RBFOX1: variants seen among roughly 807,000 people sequenced by gnomAD.
RBFOX1 encodes the protein RNA binding protein fox-1 homolog 1.
In RBFOX1, 8 loss-of-function variants were observed where a neutral mutation model predicts 57.7. The ratio of observed to expected loss-of-function variants is 0.14; its 90% CI spans 0.08 to 0.25. The LOEUF is 0.25. RBFOX1 is among the 10% of genes least tolerant of loss of function. The pLI is 1.00. For missense variants in RBFOX1, 611 were observed against 548.5 expected, an observed-to-expected ratio of 1.11 and a Z score of -1.14; for synonymous variants, 326 against 222.4, an observed-to-expected ratio of 1.47 and a Z score of -4.15.
intron 4 of RBFOX1, among the ~76,000 whole-genome samples, chr16:7,191,347 A>G (rs2085336848): frequency 6.6e-6 from 1 of 152,112 alleles, no homozygotes; most frequent in Non-Finnish European, 1.5e-5. Flanking sequence ...AAGAAAAAAA[A>G]AAAAACAGCA....
rs144156358 is a variant in RBFOX1, at chr16:7,660,950, C to G, written c.891-3979C>G. Among the ~76,000 whole-genome samples the G allele has an allele frequency of 1.2e-3, 179 of 152,254 alleles. 4 individuals carry two copies. The East Asian group carries it at 0.032, about 28-fold the overall frequency. On this transcript the variant is annotated intron_variant, in intron 12 of 15. Transcript: ENST00000550418. ...CAACTCTCTTTCAGTTTCTACATGT[C>G]TAAAGAGGCAATGATCATATTGTCC...
chr16:7,230,214 C>G (rs2093419948), intron 4 of RBFOX1, among the ~76,000 whole-genome samples: 1 of 151,788 alleles, frequency 6.6e-6, no homozygotes, highest in African/African-American at 2.4e-5. Flanking sequence ...ATGTCAGTCA[C>G]TGTGGAAGAC....
chr16:5,479,371 T>C (rs1308759631), intron 2 of RBFOX1, among the ~76,000 whole-genome samples: 1 of 152,174 alleles, frequency 6.6e-6, no homozygotes, highest in Non-Finnish European at 1.5e-5. Context: ...TAGGAGAGAT[T>C]AGAGATGGGG....
chr16:5,511,580 C>G (rs2043594724), intron 2 of RBFOX1, among the ~76,000 whole-genome samples: 1 of 152,140 alleles, frequency 6.6e-6, no homozygotes, highest in African/African-American at 2.4e-5. Flanking sequence ...CCACTCAGCT[C>G]TGTGCCTCTT....
At chr16:7,318,607 C>T (rs73561857) in intron 4 of RBFOX1, among the ~76,000 whole-genome samples, 4,590 of 152,222 alleles carry the variant, frequency 0.03, 145 homozygotes, top group African/African-American at 0.083. Context: ...ATCAGAATAG[C>T]GTTCCTATAA....
chr16:7,035,236 T>C (rs1166678030), intron 3 of RBFOX1, among the ~76,000 whole-genome samples: 1 of 152,040 alleles, frequency 6.6e-6, no homozygotes, highest in Non-Finnish European at 1.5e-5. Flanking sequence ...TCCTGCAGGA[T>C]ACTCCAAGTG....
At chr16:7,403,587 C>A in intron 4 of RBFOX1, among the ~76,000 whole-genome samples, 1 of 126,662 alleles carries the variant, frequency 7.9e-6, no homozygotes, top group African/African-American at 2.8e-5. Flanking sequence ...TTTTTTTTTG[C>A]CCAGTCTGGA....
intron 2 of RBFOX1, among the ~76,000 whole-genome samples, chr16:6,365,225 T>C (rs1346200823): frequency 6.6e-6 from 1 of 152,124 alleles, no homozygotes; most frequent in Non-Finnish European, 1.5e-5. Context: ...AATGGATAGA[T>C]GGGTAGATGG....
intron 3 of RBFOX1, among the ~76,000 whole-genome samples, chr16:6,807,688 C>T (rs554300658): frequency 1.1e-4 from 17 of 152,074 alleles, no homozygotes; most frequent in Non-Finnish European, 1.5e-4. Flanking sequence ...TGGTGGCAGA[C>T]GCCTGTAATC....
chr16:7,682,545 GTTTTT>G (rs113114330), intron 14 of RBFOX1, among the ~76,000 whole-genome samples: 1 of 136,626 alleles, frequency 7.3e-6, no homozygotes, highest in African/African-American at 2.6e-5. Context: ...CTTGGTTTTA[GTTTTT>G]TTTTTTTTTA....
At chr16:6,271,636 GA>G (rs1838750684) in intron 1 of RBFOX1, among the ~76,000 whole-genome samples, 1 of 152,160 alleles carries the variant, frequency 6.6e-6, no homozygotes, top group African/African-American at 2.4e-5. Context: ...AGACTTTGCA[GA>G]TGTCAAAAAG....
At chr16:6,274,517 A>G (rs1403746898) in intron 1 of RBFOX1, among the ~76,000 whole-genome samples, 2 of 152,184 alleles carry the variant, frequency 1.3e-5, no homozygotes, top group Non-Finnish European at 2.9e-5. Flanking sequence ...AGTCATTGCC[A>G]GGGGTTGAGA....
chr16:6,025,906 A>G (rs1217333687), intron 1 of RBFOX1, among the ~76,000 whole-genome samples: 1 of 152,192 alleles, frequency 6.6e-6, no homozygotes, highest in Non-Finnish European at 1.5e-5. Context: ...TGTGACATGA[A>G]CATCAGAATA....
chr16:5,747,356 G>C (rs1597082556), intron 3 of RBFOX1, among the ~76,000 whole-genome samples: 1 of 152,140 alleles, frequency 6.6e-6, no homozygotes, highest in South Asian at 2.1e-4. Context: ...TGTTTTTGTT[G>C]TGTCTCTGCC....
intron 1 of RBFOX1, among the ~76,000 whole-genome samples, chr16:5,405,252 T>C (rs1394821726): frequency 6.6e-6 from 1 of 152,160 alleles, no homozygotes; most frequent in East Asian, 1.9e-4. Context: ...CCCCCAAATA[T>C]AATCTTGAAT....
intron 4 of RBFOX1, among the ~76,000 whole-genome samples, chr16:5,908,276 A>T (rs1409808567): frequency 4.7e-5 from 7 of 148,762 alleles, no homozygotes; most frequent in African/African-American, 1.7e-4. Flanking sequence ...ATATATATAC[A>T]TACATATATA....
At chr16:6,153,152 C>T (rs1039387902) in intron 1 of RBFOX1, among the ~76,000 whole-genome samples, 12 of 150,016 alleles carry the variant, frequency 8.0e-5, no homozygotes, top group Non-Finnish European at 4.4e-5. Flanking sequence ...CTTTGGTGTA[C>T]CCATCACCAG....
Position 6,544,126 on chromosome 16 carries a change from C to G in RBFOX1, c.-63-110477C>G, listed in dbSNP as rs74005274. ...AGAGTATCTTATCTGTCTTTGCATCCCCAGCACCAGTAGATTGAACCGAGT... is the reference window on the plus strand; with the variant it reads ...AGAGTATCTTATCTGTCTTTGCATCGCCAGCACCAGTAGATTGAACCGAGT... On this transcript the variant is annotated intron_variant, in intron 2 of 15. Coordinates refer to ENST00000550418, the MANE Select transcript of RBFOX1 (RefSeq NM_018723.4). Among the ~76,000 whole-genome samples, 1,440 of 152,232 alleles carry G rather than the reference C, an allele frequency of 9.5e-3. 24 individuals are homozygous for G. Among genetic ancestry groups the G allele is most frequent in the African/African-American group, 0.032 (1,342 of 41,530 alleles).
At chr16:6,883,966 G>C (rs1365247840) in intron 3 of RBFOX1, among the ~76,000 whole-genome samples, 1 of 152,172 alleles carries the variant, frequency 6.6e-6, no homozygotes, top group Non-Finnish European at 1.5e-5. Flanking sequence ...CCAAAGCGCA[G>C]AGGAGATGGG....
Sources: gnomAD v4.1 joint callset for allele counts (sites outside exome capture counted in the v4.1 genomes callset) on GRCh38, gnomAD v4.1.1 for gene constraint, MANE v1.5 for transcripts, NCBI Gene and HGNC (gene_info 2026-07-23, HGNC 2026-07-21) for gene names.